The following NHSL3 variants were observed in gnomAD, a reference collection of about 807,000 sequenced individuals.
The protein encoded by NHSL3 is NHS like 3.
chr1:32,755,301 G>C, the NHSL3 span, among the ~76,000 whole-genome samples: 2 of 152,238 alleles, frequency 1.3e-5, no homozygotes, highest in Non-Finnish European at 2.9e-5. Flanking sequence ...CTGGGGGAGT[G>C]AGGAAATCCC....
At chr1:32,745,419 G>A in the NHSL3 span, among the ~76,000 whole-genome samples, 8 of 151,844 alleles carry the variant, frequency 5.3e-5, no homozygotes, top group Non-Finnish European at 7.4e-5. Flanking sequence ...TTAGCTGGGC[G>A]TGGTGGCGCG....
At chr1:32,771,545 C>T in the NHSL3 span, 15 of 1,606,506 alleles carry the variant, frequency 9.3e-6, no homozygotes, top group East Asian at 4.5e-5. Context: ...GACTTCCCCC[C>T]ACCAGAGGAG....
the NHSL3 span, among the ~76,000 whole-genome samples, chr1:32,747,009 C>A: frequency 1.3e-5 from 2 of 152,108 alleles, no homozygotes; most frequent in African/African-American, 4.8e-5. Context: ...TAACTCCAGT[C>A]AGTTCACTGT....
At chr1:32,764,337 T>C in the NHSL3 span, among the ~76,000 whole-genome samples, 4 of 152,212 alleles carry the variant, frequency 2.6e-5, no homozygotes, top group African/African-American at 9.6e-5. Flanking sequence ...CATAACATGT[T>C]CCAGGCACTG....
the NHSL3 span, among the ~76,000 whole-genome samples, chr1:32,766,648 T>A: frequency 6.6e-6 from 1 of 152,210 alleles, no homozygotes; most frequent in Non-Finnish European, 1.5e-5. Flanking sequence ...GTTTCTGAAC[T>A]GAAGACCCTG....
At chr1:32,761,333 G>T in the NHSL3 span, among the ~76,000 whole-genome samples, 144 of 152,290 alleles carry the variant, frequency 9.5e-4, 1 homozygote, top group African/African-American at 3.2e-3. Context: ...GACTCGGAGA[G>T]GCTGCGAGCT....
chr1:32,754,126 G>A, the NHSL3 span: 27 of 711,602 alleles, frequency 3.8e-5, no homozygotes, highest in East Asian at 6.5e-4. Flanking sequence ...GGCCCCCAGC[G>A]GTCCCCGGGT....
At chr1:32,768,174 A>G in the NHSL3 span, 1 of 1,190,072 alleles carries the variant, frequency 8.4e-7, no homozygotes, top group South Asian at 1.2e-5. Context: ...ACCCCTGGCA[A>G]GGATGTCTTG....
the NHSL3 span, among the ~76,000 whole-genome samples, chr1:32,757,454 T>C: frequency 6.6e-6 from 1 of 150,592 alleles, no homozygotes; most frequent in Non-Finnish European, 1.5e-5. Flanking sequence ...GTGGGGGTTG[T>C]GGGAGTGGAG....
chr1:32,754,537 G>A, the NHSL3 span, among the ~76,000 whole-genome samples: 1 of 151,982 alleles, frequency 6.6e-6, no homozygotes, highest in Non-Finnish European at 1.5e-5. Flanking sequence ...GGTTTACACA[G>A]CCACACGAAC....
At chr1:32,770,885 G>C in the NHSL3 span, 6 of 1,608,884 alleles carry the variant, frequency 3.7e-6, no homozygotes, top group Non-Finnish European at 5.1e-6. This position sits in a 1 kb window ranked among gnomAD's most constrained non-coding sequence, Gnocchi z 8.3. Flanking sequence ...GGTTCCCGGC[G>C]CCCCCCACGG....
chr1:32,770,536 C>G, the NHSL3 span: 2 of 1,535,646 alleles, frequency 1.3e-6, no homozygotes, highest in South Asian at 2.5e-5. This position sits in a 1 kb window ranked among gnomAD's most constrained non-coding sequence, Gnocchi z 8.3. Flanking sequence ...TAGCGTGGTA[C>G]CCCCTCCCCA....
At chr1:32,770,154 G>A in the NHSL3 span, 2 of 1,592,976 alleles carry the variant, frequency 1.3e-6, no homozygotes, top group Non-Finnish European at 1.7e-6. The surrounding 1 kb of genome is among the most constrained non-coding windows in gnomAD (Gnocchi z 8.3). Context: ...CCCTAGCAGT[G>A]CCTGGATTGA....
chr1:32,747,225 G>A, the NHSL3 span, among the ~76,000 whole-genome samples: 7 of 149,646 alleles, frequency 4.7e-5, no homozygotes, highest in African/African-American at 4.9e-5. Context: ...TCACTCTGTC[G>A]CCCAGGCTGG....
chr1:32,771,604 C>G, the NHSL3 span: 1 of 1,613,354 alleles, frequency 6.2e-7, no homozygotes, highest in East Asian at 2.2e-5. Flanking sequence ...TTCAGGCTCC[C>G]CAGAGCTTGT....
chr1:32,770,006 A>C, the NHSL3 span: 1 of 1,599,978 alleles, frequency 6.3e-7, no homozygotes, highest in African/African-American at 1.3e-5. This position sits in a 1 kb window ranked among gnomAD's most constrained non-coding sequence, Gnocchi z 8.3. Flanking sequence ...GTGTCCCTGC[A>C]GGCGCTGGAG....
At chr1:32,773,003 C>T in the NHSL3 span, 27 of 961,402 alleles carry the variant, frequency 2.8e-5, no homozygotes, top group Non-Finnish European at 3.2e-5. Flanking sequence ...AGGGCGCCTG[C>T]AGCCTTAACC....
chr1:32,768,986 C>A, the NHSL3 span: 2 of 534,968 alleles, frequency 3.7e-6, no homozygotes, highest in Admixed American at 3.4e-5. Flanking sequence ...TGCGGTGGCT[C>A]ACGCCTGTAA....
chr1:32,765,586 T>C, the NHSL3 span: 2 of 1,481,912 alleles, frequency 1.3e-6, no homozygotes, highest in South Asian at 2.6e-5. Flanking sequence ...GCGGGATCAG[T>C]GGCGAAGGTG....
Sources: gnomAD v4.1 joint callset for allele counts (sites outside exome capture counted in the v4.1 genomes callset) on GRCh38, gnomAD v4.1.1 for gene constraint, Gnocchi (gnomAD v3.1) non-coding constraint, MANE v1.5 for transcripts, NCBI Gene and HGNC (gene_info 2026-07-23, HGNC 2026-07-21) for gene names.